Variants in HMG20A observed in about 807,000 individuals in gnomAD.
HMG20A encodes the protein high mobility group protein 20A.
Under a neutral mutation model 43.9 loss-of-function variants are expected in HMG20A, and 17 were observed. The observed-to-expected ratio is 0.39, with a 90% CI of 0.27 to 0.58. The LOEUF (loss-of-function observed/expected upper bound fraction) is 0.58, where lower values mean the gene tolerates loss of function less well. HMG20A is among the 20% of genes least tolerant of loss of function. The pLI, the probability that HMG20A is intolerant of heterozygous loss-of-function variation, is 0.59. For missense variants in HMG20A, 341 were observed against 438.2 expected (o/e 0.78, Z 1.98); for synonymous variants, 132 against 147.5 (o/e 0.89, Z 0.76).
intron 1 of HMG20A, among the ~76,000 whole-genome samples, chr15:77,455,263 A>T (rs550347573): frequency 6.7e-6 from 1 of 148,760 alleles, no homozygotes; most frequent in South Asian, 2.2e-4. Flanking sequence ...TTCTGGCCAT[A>T]TATTGACCAT....
intron 7 of HMG20A, 54 bp from the exon 8 acceptor site, chr15:77,478,241 T>C (rs569983836): frequency 7.0e-6 from 11 of 1,568,734 alleles, no homozygotes; most frequent in Non-Finnish European, 8.8e-6. Flanking sequence ...TCATTGGGAC[T>C]CCTCAGAGAC....
At chr15:77,511,389 A>G in the HMG20A span, among the ~76,000 whole-genome samples, 4 of 152,146 alleles carry the variant, frequency 2.6e-5, no homozygotes, top group South Asian at 2.1e-4. Flanking sequence ...TCTGCCCCCA[A>G]ATCATTCGCC....
chr15:77,456,227 C>CT (rs2072652823), intron 1 of HMG20A, among the ~76,000 whole-genome samples: 2 of 152,198 alleles, frequency 1.3e-5, no homozygotes, highest in Non-Finnish European at 2.9e-5. Context: ...GGAAAACACT[C>CT]TAACAGGGTC....
chr15:77,485,959 C>A (rs922246698), downstream of HMG20A, among the ~76,000 whole-genome samples: 7 of 152,152 alleles, frequency 4.6e-5, no homozygotes, highest in Admixed American at 3.3e-4. Context: ...TAAAAAAGTT[C>A]TATTTCTGTT....
chr15:77,498,864 GGGATTTGAATA>G, the HMG20A span, among the ~76,000 whole-genome samples: 1 of 152,072 alleles, frequency 6.6e-6, no homozygotes. Context: ...TAAAACCTTG[GGGATTTGAATA>G]GGACTATAAA....
chr15:77,462,023 AAATCAT>A (rs2142330959), intron 2 of HMG20A, among the ~76,000 whole-genome samples: 1 of 152,278 alleles, frequency 6.6e-6, no homozygotes, highest in Admixed American at 6.5e-5. Context: ...CCTCCTGCTA[AAATCAT>A]CTATTATGTT....
intron 2 of HMG20A, among the ~76,000 whole-genome samples, chr15:77,463,910 G>A (rs1354089230): frequency 1.3e-5 from 2 of 152,148 alleles, no homozygotes; most frequent in Non-Finnish European, 2.9e-5. Context: ...GGAGATACAT[G>A]AAAGGTAGCA....
chr15:77,511,923 A>G, the HMG20A span, among the ~76,000 whole-genome samples: 1 of 152,258 alleles, frequency 6.6e-6, no homozygotes, highest in Non-Finnish European at 1.5e-5. Context: ...ATCCAAAAGC[A>G]TTGAAAGCAG....
At chr15:77,424,090 T>G (rs962082025) in intron 1 of HMG20A, among the ~76,000 whole-genome samples, 6 of 152,234 alleles carry the variant, frequency 3.9e-5, no homozygotes, top group Non-Finnish European at 8.8e-5. Flanking sequence ...TTTTGCTCCC[T>G]TGGTATTCCT....
intron 1 of HMG20A, among the ~76,000 whole-genome samples, chr15:77,438,205 C>G (rs966192077): frequency 6.9e-6 from 1 of 145,814 alleles, no homozygotes; most frequent in African/African-American, 2.6e-5. Context: ...TCTCAAACTC[C>G]TGGGCTCAAG....
At chr15:77,497,885 G>A in the HMG20A span, among the ~76,000 whole-genome samples, 1 of 147,734 alleles carries the variant, frequency 6.8e-6, no homozygotes, top group African/African-American at 2.5e-5. Context: ...GCTGGGAGAA[G>A]AAAAACCCAA....
intron 1 of HMG20A, among the ~76,000 whole-genome samples, chr15:77,451,785 G>A (rs1183774644): frequency 6.6e-6 from 1 of 152,158 alleles, no homozygotes; most frequent in Non-Finnish European, 1.5e-5. Flanking sequence ...CAAGGAAAGG[G>A]GGTGTCTGCA....
At chr15:77,516,758 G>T in the HMG20A span, among the ~76,000 whole-genome samples, 7 of 152,156 alleles carry the variant, frequency 4.6e-5, no homozygotes, top group African/African-American at 1.7e-4. Flanking sequence ...AGGGGAGTGG[G>T]GTGTGGGCAT....
the HMG20A span, among the ~76,000 whole-genome samples, chr15:77,495,799 G>A: frequency 6.6e-6 from 1 of 152,090 alleles, no homozygotes; most frequent in Non-Finnish European, 1.5e-5. Flanking sequence ...TCATCCCCTA[G>A]AAGCCCCTCA....
chr15:77,465,247 C>T (rs547697889), intron 3 of HMG20A, among the ~76,000 whole-genome samples: 21 of 105,482 alleles, frequency 2.0e-4, no homozygotes, highest in Middle Eastern at 0.013. Context: ...GGCTACAGAG[C>T]GAGACTTCGT....
intron 1 of HMG20A, among the ~76,000 whole-genome samples, chr15:77,434,364 TTATGAAATTAAAAA>T: frequency 6.6e-6 from 1 of 151,934 alleles, no homozygotes; most frequent in Admixed American, 6.5e-5. Flanking sequence ...AAATTGGAGT[TTATGAAATTAAAAA>T]CTTCATAAAC....
chr15:77,479,230 T>G lies in HMG20A; in HGVS notation c.959T>G (p.Leu320Arg). Reference protein sequence around the residue: ...VDTIDSYMNRLHSIILANPQD... With the variant: ...VDTIDSYMNRRHSIILANPQD... ...ACCATTGACTCATATATGAACAGACTGCACAGTATTATTTTAGCTAATCCC... is the reference window on the plus strand; with the variant it reads ...ACCATTGACTCATATATGAACAGACGGCACAGTATTATTTTAGCTAATCCC... The change falls in exon 9 of 10, where the codon CTG becomes CGG. Residue 320 changes from leucine to arginine, a missense_variant. Coordinates refer to ENST00000336216, the MANE Select transcript of HMG20A (RefSeq NM_001304504.2). 1 of 1,613,786 alleles carries G rather than the reference T, an allele frequency of 6.2e-7. No individual in the cohort carries two copies. Among genetic ancestry groups the G allele is most frequent in the Non-Finnish European group, 8.5e-7 (1 of 1,179,646 alleles).
At chr15:77,457,026 A>G (rs2072661029) in intron 1 of HMG20A, among the ~76,000 whole-genome samples, 2 of 152,240 alleles carry the variant, frequency 1.3e-5, no homozygotes, top group Non-Finnish European at 2.9e-5. Context: ...TCTACCTTCC[A>G]TGCTCTACCT....
intron 1 of HMG20A, among the ~76,000 whole-genome samples, chr15:77,455,006 G>C (rs916414591): frequency 1.2e-4 from 18 of 151,926 alleles, no homozygotes; most frequent in Non-Finnish European, 2.2e-4. Flanking sequence ...AGAGGGAGTG[G>C]TGCAGAAGGA....
Sources: gnomAD v4.1 joint callset for allele counts (sites outside exome capture counted in the v4.1 genomes callset) on GRCh38, gnomAD v4.1.1 for gene constraint, MANE v1.5 for transcripts, NCBI Gene and HGNC (gene_info 2026-07-23, HGNC 2026-07-21) for gene names.